ANO10: variants seen among roughly 807,000 people sequenced by gnomAD.
ANO10 encodes the protein anoctamin-10.
Under a neutral mutation model 74.7 loss-of-function variants are expected in ANO10, and 77 were observed. The ratio of observed to expected loss-of-function variants is 1.03; its 90% CI spans 0.86 to 1.25. The LOEUF (loss-of-function observed/expected upper bound fraction) is 1.25, where lower values mean the gene tolerates loss of function less well. Among genes scored for constraint, ANO10 ranks in the 50% most tolerant of loss-of-function variants. ANO10 has a pLI of 0.00. For missense variants in ANO10, 721 were observed against 778.1 expected, an observed-to-expected ratio of 0.93 and a Z score of 0.87; for synonymous variants, 279 against 284.9, an observed-to-expected ratio of 0.98 and a Z score of 0.21.
At chr3:43,495,740 C>T (rs1211195281) in intron 11 of ANO10, among the ~76,000 whole-genome samples, 1 of 151,866 alleles carries the variant, frequency 6.6e-6, no homozygotes, top group African/African-American at 2.4e-5. Context: ...TCACTCTGTC[C>T]CCCAGGCTGG....
intron 12 of ANO10, among the ~76,000 whole-genome samples, chr3:43,428,147 T>G (rs1253888031): frequency 6.6e-6 from 1 of 152,016 alleles, no homozygotes; most frequent in African/African-American, 2.4e-5. Flanking sequence ...CCTTCGAGAT[T>G]CAAGCGATTC....
intron 1 of ANO10, chr3:43,690,813 C>T (rs895076204): frequency 5.9e-6 from 3 of 506,508 alleles, no homozygotes; most frequent in Non-Finnish European, 9.7e-6. Flanking sequence ...ATGGCGGACG[C>T]AAAGCCGGAG....
At chr3:43,550,043 T>C (rs2079388145) in intron 10 of ANO10, among the ~76,000 whole-genome samples, 195 bp from the exon 11 acceptor site, 1 of 152,204 alleles carries the variant, frequency 6.6e-6, no homozygotes, top group Admixed American at 6.5e-5. Context: ...AGGCAGTATT[T>C]TAGATACTTT....
At chr3:43,686,466 G>A (rs2084276469) in intron 1 of ANO10, among the ~76,000 whole-genome samples, 1 of 151,922 alleles carries the variant, frequency 6.6e-6, no homozygotes, top group African/African-American at 2.4e-5. Flanking sequence ...TTTCACTTTT[G>A]GTAGAGATGG....
intron 11 of ANO10, among the ~76,000 whole-genome samples, chr3:43,492,276 T>C (rs1443808317): frequency 1.3e-5 from 2 of 152,152 alleles, no homozygotes; most frequent in Admixed American, 6.5e-5. Flanking sequence ...TTACACCTTA[T>C]ACAAAAATCA....
intron 12 of ANO10, among the ~76,000 whole-genome samples, chr3:43,378,869 T>C (rs1368497395): frequency 6.6e-6 from 1 of 152,230 alleles, no homozygotes; most frequent in Non-Finnish European, 1.5e-5. Context: ...CTAGCCTTTA[T>C]TCACTTGACA....
intron 11 of ANO10, among the ~76,000 whole-genome samples, chr3:43,448,351 C>T (rs1028400556): frequency 6.6e-6 from 1 of 151,972 alleles, no homozygotes; most frequent in African/African-American, 2.4e-5. Context: ...CCTTGCATCT[C>T]TTCCCTCCCC....
intron 1 of ANO10, among the ~76,000 whole-genome samples, chr3:43,644,211 C>T (rs2083703922): frequency 6.6e-6 from 1 of 152,062 alleles, no homozygotes; most frequent in African/African-American, 2.4e-5. Flanking sequence ...GATCTCTGGT[C>T]CATTTGGGAT....
At position 43,366,929 on chromosome 3, in the gene ANO10, T is replaced by C. The variant is rs777841466; in HGVS notation, c.1960A>G (p.Ser654Gly). The change falls in exon 13 of 13, where the codon AGC (serine) becomes GGC (glycine). Residue 654 changes from serine (S) to glycine (G), a missense_variant. Physicochemically the swap from Ser to Gly is moderately conservative, Grantham distance 56 (BLOSUM62 0). Coordinates refer to ENST00000292246, the MANE Select transcript of ANO10 (RefSeq NM_018075.5). The stretch of plus-strand genomic sequence containing the variant: ...ACTCAGGTTGCCTTCTCCTTCCCGC[T>C]TTCCATTGGTTCCTCCTTCAGGTTC... ...TENLKEEPME[S>G]GKEKAT 1.9e-6 allele frequency: 3 copies of C among 1,599,006 alleles called. No homozygotes were observed. The highest frequency in any genetic ancestry group is 1.7e-6 in the Non-Finnish European group (2 of 1,172,732).
At chr3:43,605,246 CT>C (rs2082507139) in intron 2 of ANO10, among the ~76,000 whole-genome samples, 1 of 152,164 alleles carries the variant, frequency 6.6e-6, no homozygotes, top group Admixed American at 6.5e-5. Flanking sequence ...ATGCCATGCA[CT>C]GCTTTGTGAC....
chr3:43,623,671 G>T (rs75672334), upstream of ANO10, among the ~76,000 whole-genome samples: 155 of 152,346 alleles, frequency 1.0e-3, no homozygotes, highest in African/African-American at 2.9e-3. Context: ...GGTCTTCCAG[G>T]TTCCAGGCAG....
At chr3:43,446,628 T>C (rs1490254909) in intron 11 of ANO10, among the ~76,000 whole-genome samples, 1 of 152,176 alleles carries the variant, frequency 6.6e-6, no homozygotes, top group Non-Finnish European at 1.5e-5. Flanking sequence ...AACTACTTCT[T>C]TGAGAAAGTC....
intron 11 of ANO10, among the ~76,000 whole-genome samples, chr3:43,488,850 C>G (rs1050464331): frequency 1.3e-5 from 2 of 151,400 alleles, no homozygotes; most frequent in South Asian, 2.1e-4. Flanking sequence ...AAATCATGCT[C>G]CTATAAAGAC....
intron 11 of ANO10, among the ~76,000 whole-genome samples, chr3:43,491,781 A>C (rs992859565): frequency 6.6e-6 from 1 of 152,164 alleles, no homozygotes; most frequent in Admixed American, 6.5e-5. Context: ...TTAACAGAAA[A>C]ATATACAGAA....
At chr3:43,450,119 T>C (rs532560512) in intron 11 of ANO10, among the ~76,000 whole-genome samples, 49 of 152,350 alleles carry the variant, frequency 3.2e-4, no homozygotes, top group African/African-American at 1.1e-3. Context: ...TTGACTTTTA[T>C]TCTACTAGTT....
At chr3:43,590,837 T>C (rs1013072739) in intron 4 of ANO10, among the ~76,000 whole-genome samples, 3 of 152,198 alleles carry the variant, frequency 2.0e-5, no homozygotes, top group African/African-American at 7.2e-5. Context: ...CTGGATTTCC[T>C]AGGCCGACTA....
chr3:43,540,457 T>C (rs968111834), intron 11 of ANO10, among the ~76,000 whole-genome samples: 8 of 152,260 alleles, frequency 5.3e-5, no homozygotes, highest in African/African-American at 1.9e-4. Flanking sequence ...TCTTTTATAA[T>C]TGTCTCATCT....
intron 1 of ANO10, among the ~76,000 whole-genome samples, chr3:43,639,584 G>A (rs997001636): frequency 6.6e-5 from 10 of 152,110 alleles, no homozygotes; most frequent in African/African-American, 2.4e-4. Flanking sequence ...CCAACATAGT[G>A]AAACTCCGTC....
intron 11 of ANO10, among the ~76,000 whole-genome samples, chr3:43,510,245 C>T (rs919805179): frequency 6.6e-6 from 1 of 152,064 alleles, no homozygotes; most frequent in Non-Finnish European, 1.5e-5. Flanking sequence ...GCCTGGCCAA[C>T]ATGGTGAAAC....
Sources: gnomAD v4.1 joint callset for allele counts (sites outside exome capture counted in the v4.1 genomes callset) on GRCh38, gnomAD v4.1.1 for gene constraint, MANE v1.5 for transcripts, NCBI Gene and HGNC (gene_info 2026-07-23, HGNC 2026-07-21) for gene names.